The following DMD variants were observed in gnomAD, a reference collection of about 807,000 sequenced individuals.
DMD encodes mutant dystrophin.
A neutral mutation model predicts 330.1 loss-of-function variants in DMD; 63 were observed. That is an observed-to-expected ratio of 0.19 (90% CI 0.16 to 0.24). DMD has a LOEUF of 0.24. Ranked by LOEUF, DMD falls within the 10% of genes least tolerant of loss-of-function variation. The probability of loss-of-function intolerance (pLI) is 1.00; values close to 1 mark genes in which losing one functional copy is unlikely to be tolerated. For synonymous variants in DMD, 1,223 were observed against 959.8 expected (o/e 1.27, Z -5.07); for missense variants, 3,344 against 2,684.1 (o/e 1.25, Z -5.43).
chrX:31,367,573 G>A (rs1344574968), intron 60 of DMD, among the ~76,000 whole-genome samples: 2 of 111,226 alleles, frequency 1.8e-5, no homozygotes, highest in East Asian at 5.6e-4. Context: ...CTGATGTGGG[G>A]CTGATAATTC....
intron 76 of DMD, among the ~76,000 whole-genome samples, chrX:31,140,528 G>T (rs1204307793): frequency 9.0e-6 from 1 of 111,227 alleles, no homozygotes; most frequent in African/African-American, 3.3e-5. Context: ...CCAACATTTG[G>T]CTACAATTAA....
intron 1 of DMD, among the ~76,000 whole-genome samples, chrX:33,257,008 A>C (rs1172689567): frequency 9.0e-6 from 1 of 110,643 alleles, no homozygotes; most frequent in Non-Finnish European, 1.9e-5. Context: ...GCAAAAATTC[A>C]GGGACTGTAA....
At chrX:31,223,538 A>G (rs766476721) in intron 63 of DMD, among the ~76,000 whole-genome samples, 103 of 112,962 alleles carry the variant, frequency 9.1e-4, no homozygotes, top group African/African-American at 3.2e-3. Context: ...AAGTGGCAAT[A>G]TAACATTTTT....
chrX:32,457,936 C>A (rs1209705320), intron 25 of DMD, among the ~76,000 whole-genome samples: 1 of 110,576 alleles, frequency 9.0e-6, no homozygotes, highest in Non-Finnish European at 1.9e-5. Context: ...AGAAAGTATA[C>A]ATGTTTTATA....
At chrX:33,179,944 C>T (rs2148735268) in intron 1 of DMD, among the ~76,000 whole-genome samples, 1 of 108,063 alleles carries the variant, frequency 9.3e-6, no homozygotes, top group African/African-American at 3.4e-5. Flanking sequence ...TCAAGCAATT[C>T]TCCTGCCTCA....
At chrX:31,416,623 C>T (rs1242703242) in intron 60 of DMD, among the ~76,000 whole-genome samples, 5 of 112,265 alleles carry the variant, frequency 4.5e-5, no homozygotes, top group Non-Finnish European at 9.4e-5. Context: ...TGTAAGCTGA[C>T]TTCTGCCTGC....
intron 57 of DMD, among the ~76,000 whole-genome samples, chrX:31,486,903 G>T (rs1403843864): frequency 8.9e-6 from 1 of 111,782 alleles, no homozygotes; most frequent in Non-Finnish European, 1.9e-5. Context: ...CATATTTATT[G>T]AGTCTCAAAC....
chrX:31,922,622 G>A (rs2094710024), intron 47 of DMD, among the ~76,000 whole-genome samples: 1 of 110,678 alleles, frequency 9.0e-6, no homozygotes, highest in South Asian at 3.9e-4. Context: ...GATAGTGTCA[G>A]GACTGAATTA....
At chrX:33,008,939 CACGTATATAT>C (rs1410927277) in intron 2 of DMD, among the ~76,000 whole-genome samples, 20 of 93,661 alleles carry the variant, frequency 2.1e-4, no homozygotes, top group Admixed American at 2.3e-4. Context: ...TATATATACA[CACGTATATAT>C]ACGTATATAT....
chrX:33,145,628 T>C (rs1253395588), intron 1 of DMD, among the ~76,000 whole-genome samples: 3 of 70,849 alleles, frequency 4.2e-5, no homozygotes, highest in Non-Finnish European at 8.9e-5. Context: ...ATATAATGTA[T>C]TTATATAATA....
chrX:31,742,393 T>C (rs1186405156), intron 51 of DMD, among the ~76,000 whole-genome samples: 2 of 112,293 alleles, frequency 1.8e-5, no homozygotes, highest in African/African-American at 3.2e-5. Context: ...GTGACAAACA[T>C]GTGACTCTTT....
chrX:32,392,931 C>A (rs149555813), intron 30 of DMD, among the ~76,000 whole-genome samples: 3 of 112,624 alleles, frequency 2.7e-5, no homozygotes, highest in African/African-American at 9.7e-5. Context: ...TGATCTTGGA[C>A]GTTCAGCCCA....
Position 33,107,313 on chromosome X carries a change from C to T in DMD, c.32-87113G>A, listed in dbSNP as rs914387210. Among the ~76,000 whole-genome samples the T allele has an allele frequency of 1.9e-4, 11 of 58,150 alleles. 2 individuals carry two copies. The highest frequency in any genetic ancestry group is 4.3e-4 in the African/African-American group (5 of 11,500). 50.5% of individuals were successfully genotyped at this position (58,150 alleles called of 115,157 possible). On this transcript the variant is annotated intron_variant, in intron 1 of 78. Coordinates refer to ENST00000357033, the MANE Select transcript of DMD (RefSeq NM_004006.3). ...GGCAACAAGAGCGAAGCTCTGTCCC[C>T]CCCCCCCCCCCAACACACACAAAAA...
At chrX:32,640,945 C>T (rs2059406422) in intron 11 of DMD, among the ~76,000 whole-genome samples, 1 of 111,572 alleles carries the variant, frequency 9.0e-6, no homozygotes, top group South Asian at 3.8e-4. Context: ...TCTCAGACCT[C>T]AGCCATCTAA....
At chrX:32,194,957 C>A (rs563053495) in intron 44 of DMD, among the ~76,000 whole-genome samples, 4 of 111,027 alleles carry the variant, frequency 3.6e-5, no homozygotes, top group African/African-American at 1.3e-4. Flanking sequence ...CATTTTGCTG[C>A]GGTGTAGGAT....
At chrX:32,252,737 T>TATATATAAATATATATAA (rs2097273746) in intron 43 of DMD, among the ~76,000 whole-genome samples, 2 of 35,880 alleles carry the variant, frequency 5.6e-5, no homozygotes, top group Non-Finnish European at 8.0e-5. Flanking sequence ...TATATAAATA[T>TATATATAAATATATATAA]ATATATAAAT....
chrX:33,153,158 C>G (rs2048355393), intron 1 of DMD, among the ~76,000 whole-genome samples: 1 of 112,919 alleles, frequency 8.9e-6, no homozygotes, highest in South Asian at 3.6e-4. Flanking sequence ...CGCCTGTAAT[C>G]CCAGAACTTT....
chrX:33,317,562 A>G (rs1040543299), intron 1 of DMD, among the ~76,000 whole-genome samples: 1 of 111,695 alleles, frequency 9.0e-6, no homozygotes, highest in African/African-American at 3.2e-5. Flanking sequence ...TCTACAATTT[A>G]ATAAAGTATG....
chrX:32,844,188 T>C (rs1241073523), intron 4 of DMD, among the ~76,000 whole-genome samples: 1 of 111,146 alleles, frequency 9.0e-6, no homozygotes, highest in Non-Finnish European at 1.9e-5. Context: ...GTGGATCACC[T>C]GAGGTCAGGA....
Sources: allele counts gnomAD v4.1 joint callset (sites outside exome capture counted in the v4.1 genomes callset), GRCh38; gene constraint gnomAD v4.1.1; transcripts MANE v1.5; gene names NCBI Gene and HGNC (gene_info 2026-07-23, HGNC 2026-07-21).